COBL: variants seen among roughly 807,000 people sequenced by gnomAD.
COBL encodes the protein protein cordon-bleu.
COBL carries 51 observed loss-of-function variants against 98.8 expected under a neutral mutation model. That is an observed-to-expected ratio of 0.52 (90% CI 0.41 to 0.65). The LOEUF is 0.65. Ranked by LOEUF, COBL falls within the 30% of genes least tolerant of loss-of-function variation. COBL has a pLI of 0.00. For missense variants in COBL, 1,617 were observed against 1,617.5 expected (o/e 1.00, Z 0.01); for synonymous variants, 634 against 651.7 (o/e 0.97, Z 0.41).
intron 7 of COBL, among the ~76,000 whole-genome samples, chr7:51,079,131 A>G (rs554305994): frequency 6.6e-6 from 1 of 152,362 alleles, no homozygotes; most frequent in African/African-American, 2.4e-5. Flanking sequence ...ACTGAGAGCC[A>G]CTTCAGAGAG....
intron 1 of COBL, among the ~76,000 whole-genome samples, chr7:51,254,658 C>T (rs987055374): frequency 1.3e-5 from 2 of 152,146 alleles, no homozygotes; most frequent in African/African-American, 4.8e-5. Context: ...TGGTTGACTA[C>T]CTAGAATTCT....
chr7:51,090,190 G>A (rs1479474504), intron 6 of COBL, among the ~76,000 whole-genome samples: 1 of 152,152 alleles, frequency 6.6e-6, no homozygotes, highest in African/African-American at 2.4e-5. Context: ...AAGAAGTGAT[G>A]TTGACTAGAT....
In COBL at chr7:51,025,250, T is replaced by TGGGGGGGG; in HGVS notation, c.3626_3627insCCCCCCCC (p.Pro1212HisfsTer33). The TGGGGGGGG allele has an allele frequency of 2.5e-6, 1 of 405,508 alleles. No homozygotes were observed. Among genetic ancestry groups the TGGGGGGGG allele is most frequent in the East Asian group, 6.1e-5 (1 of 16,284 alleles). The allele number at this position is 405,508 out of a possible 1,614,324, so 25.1% of individuals were successfully genotyped here. A position where few individuals can be genotyped will look rare whatever the true frequency, so the allele number is the denominator to read the frequency against. On this transcript the variant is annotated frameshift_variant, in exon 12 of 13. Transcript: ENST00000265136. LOFTEE classifies it high-confidence loss of function. ...AGAGAGCCTGGGAGGGTGGAGGGGG[T>TGGGGGGGG]GGTGGGGGAATGGCTGGTGGGGACA...
At chr7:51,228,202 C>T (rs187739589) in intron 1 of COBL, among the ~76,000 whole-genome samples, 22 of 152,178 alleles carry the variant, frequency 1.4e-4, no homozygotes, top group African/African-American at 4.8e-4. Flanking sequence ...AGATAAGCTC[C>T]TGTAATCTGT....
intron 1 of COBL, among the ~76,000 whole-genome samples, chr7:51,257,088 T>C (rs1797258694): frequency 1.3e-5 from 2 of 152,182 alleles, no homozygotes; most frequent in Non-Finnish European, 2.9e-5. Flanking sequence ...GGCTCTGAGC[T>C]TCCTAGCGGT....
intron 1 of COBL, among the ~76,000 whole-genome samples, chr7:51,250,017 A>C (rs1796590544): frequency 6.6e-6 from 1 of 152,052 alleles, no homozygotes; most frequent in African/African-American, 2.4e-5. Context: ...CAGGAGAATT[A>C]CTAGAACCCG....
intron 6 of COBL, among the ~76,000 whole-genome samples, chr7:51,114,255 A>T (rs1316851843): frequency 6.6e-6 from 1 of 151,936 alleles, no homozygotes. Context: ...CTTTTTTCTC[A>T]GCTCCACCCA....
chr7:51,056,790 T>A (rs989816920), intron 7 of COBL, among the ~76,000 whole-genome samples: 2 of 149,048 alleles, frequency 1.3e-5, no homozygotes, highest in African/African-American at 5.0e-5. Flanking sequence ...CTAATAACTA[T>A]GCTTGTATAC....
At chr7:51,063,417 G>A (rs1242050445) in intron 7 of COBL, among the ~76,000 whole-genome samples, 1 of 152,248 alleles carries the variant, frequency 6.6e-6, no homozygotes, top group African/African-American at 2.4e-5. Flanking sequence ...TTACAGGCGT[G>A]AGCCACTGTG....
At chr7:51,042,930 A>G (rs540041725) in intron 8 of COBL, among the ~76,000 whole-genome samples, 1 of 152,342 alleles carries the variant, frequency 6.6e-6, no homozygotes, top group African/African-American at 2.4e-5. Flanking sequence ...CAGGTATCCC[A>G]TAAAGCTGAA....
intron 6 of COBL, among the ~76,000 whole-genome samples, chr7:51,115,690 T>C (rs932898699): frequency 6.6e-6 from 1 of 152,140 alleles, no homozygotes; most frequent in African/African-American, 2.4e-5. Context: ...ATGTGTACTC[T>C]GTAGTGGTTG....
chr7:51,188,459 G>A (rs1265004777), intron 4 of COBL, among the ~76,000 whole-genome samples: 1 of 152,260 alleles, frequency 6.6e-6, no homozygotes, highest in Non-Finnish European at 1.5e-5. Flanking sequence ...CAGTGAGCAG[G>A]AGGCAGGCAT....
intron 5 of COBL, among the ~76,000 whole-genome samples, chr7:51,169,903 T>C (rs1360163082): frequency 2.6e-5 from 4 of 152,188 alleles, no homozygotes; most frequent in Non-Finnish European, 5.9e-5. Flanking sequence ...TTCTACATGA[T>C]GTTATTATTT....
intron 6 of COBL, among the ~76,000 whole-genome samples, chr7:51,086,392 C>T (rs1272266949): frequency 1.5e-5 from 2 of 133,428 alleles, no homozygotes; most frequent in Non-Finnish European, 3.2e-5. Context: ...AAAGAATGAA[C>T]ATGGTGACTA....
chr7:51,213,062 A>C (rs1792611475), intron 2 of COBL, among the ~76,000 whole-genome samples: 1 of 152,216 alleles, frequency 6.6e-6, no homozygotes, highest in Non-Finnish European at 1.5e-5. Flanking sequence ...TGAACTGTCA[A>C]ATCTTAAACT....
chr7:51,100,590 G>C (rs1317883863), intron 6 of COBL, among the ~76,000 whole-genome samples: 3 of 152,200 alleles, frequency 2.0e-5, no homozygotes, highest in Non-Finnish European at 4.4e-5. Flanking sequence ...TAATTAATTA[G>C]AAAAGGAGGG....
In COBL at chr7:51,199,008, A is replaced by G. The variant is rs142126514; in HGVS notation, c.246-5419T>C. On this transcript the variant is annotated intron_variant, in intron 2 of 12. Transcript: ENST00000265136. ...AGCATCCCTGTCCTCCTATGAACTC[A>G]GCTCCAACCACAAGGAGCTGTGGTG... Among the ~76,000 whole-genome samples, 10 of 152,298 alleles carry G rather than the reference A, an allele frequency of 6.6e-5. No homozygotes were observed. The East Asian group carries it at 1.9e-3, about 29-fold the overall frequency.
At chr7:51,119,373 T>C (rs1229848072) in intron 6 of COBL, among the ~76,000 whole-genome samples, 2 of 152,134 alleles carry the variant, frequency 1.3e-5, no homozygotes, top group African/African-American at 4.8e-5. Context: ...ACCATCATCC[T>C]CTAAGAACCA....
At chr7:51,044,409 A>C (rs1789499661) in intron 7 of COBL, among the ~76,000 whole-genome samples, 1 of 152,222 alleles carries the variant, frequency 6.6e-6, no homozygotes, top group African/African-American at 2.4e-5. Flanking sequence ...ATAGCAATAC[A>C]TTAAGTGTAA....
Sources: allele counts gnomAD v4.1 joint callset (sites outside exome capture counted in the v4.1 genomes callset), GRCh38; gene constraint gnomAD v4.1.1; transcripts MANE v1.5; gene names NCBI Gene and HGNC (gene_info 2026-07-23, HGNC 2026-07-21).